WWC1: variants seen among roughly 807,000 people sequenced by gnomAD.
WWC1 encodes the protein protein KIBRA.
In WWC1, 55 loss-of-function variants were observed where a neutral mutation model predicts 138.4. The observed-to-expected ratio is 0.40, with a 90% confidence interval of 0.32 to 0.50. The LOEUF is 0.50. Ranked by LOEUF, WWC1 falls within the 20% of genes least tolerant of loss-of-function variation. The pLI, the probability that WWC1 is intolerant of heterozygous loss-of-function variation, is 0.72. For synonymous variants in WWC1, 524 were observed against 564.9 expected, an observed-to-expected ratio of 0.93 and a Z score of 1.03; for missense variants, 1,226 against 1,420.4, an observed-to-expected ratio of 0.86 and a Z score of 2.20.
intron 17 of WWC1, among the ~76,000 whole-genome samples, chr5:168,452,892 T>C (rs1755959554): frequency 6.6e-6 from 1 of 152,042 alleles, no homozygotes; most frequent in Admixed American, 6.6e-5. Flanking sequence ...GATCTAAACA[T>C]GTTGCAATAT....
chr5:168,342,199 A>G (rs1396299916), intron 1 of WWC1, among the ~76,000 whole-genome samples: 3 of 152,214 alleles, frequency 2.0e-5, no homozygotes, highest in African/African-American at 4.8e-5. Flanking sequence ...CTCACCTCCA[A>G]CTGGCCTGGT....
chr5:168,400,373 C>T (rs1334026087), intron 5 of WWC1, among the ~76,000 whole-genome samples: 1 of 152,150 alleles, frequency 6.6e-6, no homozygotes, highest in Non-Finnish European at 1.5e-5. Flanking sequence ...TGTTTTTCCC[C>T]TCTATGTGTC....
chr5:168,451,717 CAAAG>C lies in WWC1; in HGVS notation c.2526-2243_2526-2240del, dbSNP rs537777131. On this transcript the variant is annotated intron_variant, in intron 17 of 22. Coordinates refer to ENST00000265293, the MANE Select transcript of WWC1 (RefSeq NM_015238.3). ...CAGAGCAAGATGCTGTCTCTAAAAA[CAAAG>C]AAAGAAAAAAGAAGAAAATGCAAAT... 3.0e-3 allele frequency among the ~76,000 whole-genome samples: 448 copies of C among 151,854 alleles called. 2 individuals carry two copies. The highest frequency in any genetic ancestry group is 4.0e-3 in the Non-Finnish European group (274 of 67,936).
intron 5 of WWC1, among the ~76,000 whole-genome samples, chr5:168,404,358 T>C (rs1779620918): frequency 6.6e-6 from 1 of 152,242 alleles, no homozygotes; most frequent in African/African-American, 2.4e-5. Flanking sequence ...AGACTAAATC[T>C]GGGGCCGGTC....
At chr5:168,351,144 CAAA>C (rs959882089) in intron 1 of WWC1, among the ~76,000 whole-genome samples, 4 of 105,396 alleles carry the variant, frequency 3.8e-5, no homozygotes, top group Non-Finnish European at 6.1e-5. Flanking sequence ...GACCTTGTCT[CAAA>C]AAAAAAAAAA....
chr5:168,433,904 G>A (rs1366630640), intron 15 of WWC1, among the ~76,000 whole-genome samples: 1 of 152,180 alleles, frequency 6.6e-6, no homozygotes, highest in Admixed American at 6.5e-5. Flanking sequence ...AGAAACTGAG[G>A]CACAAAGAGG....
chr5:168,323,668 C>T (rs1395098550), intron 1 of WWC1, among the ~76,000 whole-genome samples: 2 of 152,062 alleles, frequency 1.3e-5, no homozygotes, highest in Non-Finnish European at 2.9e-5. Context: ...TGTGTATTTG[C>T]ATTCCCATAA....
In WWC1 at chr5:168,425,016, G is replaced by T. The variant is rs191879381; in HGVS notation, c.1810+948G>T. ...ATCATAATAGTTAACTTTTATTGGG[G>T]ATATATTATGAGTTGGGTAATGTGC... On this transcript the variant is annotated intron_variant, in intron 11 of 22. Coordinates refer to ENST00000265293, the MANE Select transcript of WWC1 (RefSeq NM_015238.3). Among the ~76,000 whole-genome samples the T allele has an allele frequency of 1.4e-3, 214 of 152,238 alleles. 1 individual carries two copies. The highest frequency in any genetic ancestry group is 2.9e-3 in the South Asian group (14 of 4,814).
At chr5:168,351,684 AAG>A (rs1205842130) in intron 1 of WWC1, among the ~76,000 whole-genome samples, 2 of 152,158 alleles carry the variant, frequency 1.3e-5, no homozygotes, top group Non-Finnish European at 2.9e-5. Flanking sequence ...CTTCCAGAGA[AAG>A]GGATTGGGCA....
chr5:168,312,257 G>A (rs1485779077), intron 1 of WWC1, among the ~76,000 whole-genome samples: 3 of 151,872 alleles, frequency 2.0e-5, no homozygotes, highest in East Asian at 3.9e-4. Context: ...TTTATTGAGT[G>A]CAAAGCACAG....
Position 168,441,695 on chromosome 5 carries a change from T to C in WWC1, c.2294T>C (p.Ile765Thr). 1.2e-6 allele frequency: 2 copies of C among 1,614,000 alleles called. No homozygotes were observed. The highest frequency in any genetic ancestry group is 1.7e-6 in the Non-Finnish European group (2 of 1,179,936). ...CATCCCCAACAGGGAGGCGCCCAGATCAGCCTGGCGGAGGTCTGCCGGTCT... is the reference window on the plus strand; with the variant it reads ...CATCCCCAACAGGGAGGCGCCCAGACCAGCCTGGCGGAGGTCTGCCGGTCT... ...HLEECLGGAQISLAEVCRSGE... is the reference protein window; with the variant it reads ...HLEECLGGAQTSLAEVCRSGE... The change falls in exon 16 of 23, where the codon ATC (isoleucine) becomes ACC (threonine). Residue 765 changes from isoleucine (I) to threonine (T), a missense_variant. This residue lies in a region of WWC1 where 1,016 missense variants were observed against 1,153.9 expected (regional missense o/e 0.88). Transcript: ENST00000265293.
intron 1 of WWC1, among the ~76,000 whole-genome samples, chr5:168,347,662 A>G (rs1581991568): frequency 6.6e-6 from 1 of 152,182 alleles, no homozygotes; most frequent in East Asian, 1.9e-4. Context: ...ATGGCCCTGA[A>G]GAAGGTGAAG....
At chr5:168,457,162 T>C (rs561320424) in intron 19 of WWC1, among the ~76,000 whole-genome samples, 106 of 137,240 alleles carry the variant, frequency 7.7e-4, no homozygotes, top group Admixed American at 2.3e-3. Context: ...TTTTTTTTTT[T>C]AGCAAAGTCA....
At chr5:168,463,681 G>A (rs1410380832) in intron 20 of WWC1, among the ~76,000 whole-genome samples, 1 of 152,182 alleles carries the variant, frequency 6.6e-6, no homozygotes, top group Non-Finnish European at 1.5e-5. Flanking sequence ...TTTACGTATA[G>A]ATAACTGAAG....
intron 1 of WWC1, among the ~76,000 whole-genome samples, chr5:168,370,382 A>G (rs1325466014): frequency 1.3e-5 from 2 of 152,140 alleles, no homozygotes; most frequent in African/African-American, 4.8e-5. Flanking sequence ...CCTTGGAAGG[A>G]AGCCCTTGAT....
intron 1 of WWC1, among the ~76,000 whole-genome samples, chr5:168,366,473 C>A (rs1776298758): frequency 6.6e-6 from 1 of 152,198 alleles, no homozygotes; most frequent in Non-Finnish European, 1.5e-5. Context: ...CAAAGTGTTT[C>A]TCTCTCCTTT....
In WWC1 at chr5:168,411,988, C is replaced by A. The variant is rs1015583336; in HGVS notation, c.941+1993C>A. On this transcript the variant is annotated intron_variant, in intron 8 of 22. Transcript: ENST00000265293. Reference sequence around the variant, plus strand: ...TGGTCAGGTAGAAAAAAACAGATGTCCTATGTACTATTTCAGCTCCCCCAG... The same window carrying A: ...TGGTCAGGTAGAAAAAAACAGATGTACTATGTACTATTTCAGCTCCCCCAG... The A allele has an allele frequency of 9.1e-6, 9 of 985,222 alleles. No homozygotes were observed. In the African/African-American group the frequency reaches 1.6e-4, roughly 17 times the overall value. 61.0% of individuals were successfully genotyped at this position (985,222 alleles called of 1,614,324 possible).
chr5:168,361,820 G>A (rs1204162710), intron 1 of WWC1, among the ~76,000 whole-genome samples: 2 of 152,180 alleles, frequency 1.3e-5, no homozygotes, highest in African/African-American at 4.8e-5. Flanking sequence ...GGTGGCTCAC[G>A]CCTGTAATCC....
chr5:168,357,017 C>T (rs370248794), intron 1 of WWC1, among the ~76,000 whole-genome samples: 3 of 152,168 alleles, frequency 2.0e-5, no homozygotes, highest in East Asian at 1.9e-4. Context: ...ACTGTTGTGA[C>T]GGTTATTTGA....
Sources: allele counts gnomAD v4.1 joint callset (sites outside exome capture counted in the v4.1 genomes callset), GRCh38; gene constraint gnomAD v4.1.1; regional missense constraint gnomAD v4.1.1; transcripts MANE v1.5; gene names NCBI Gene and HGNC (gene_info 2026-07-23, HGNC 2026-07-21).